LRP12: variants seen among roughly 807,000 people sequenced by gnomAD.
The protein encoded by LRP12 is LDL receptor related protein 12.
In LRP12, 14 loss-of-function variants were observed where a neutral mutation model predicts 66.0. The observed-to-expected ratio is 0.21, with a 90% CI of 0.14 to 0.33. The LOEUF (loss-of-function observed/expected upper bound fraction) is 0.33, where lower values mean the gene tolerates loss of function less well. Among genes scored for constraint, LRP12 ranks in the 10% least tolerant of loss-of-function variants. The probability of loss-of-function intolerance (pLI) is 1.00; values close to 1 mark genes in which losing one functional copy is unlikely to be tolerated. For synonymous variants in LRP12, 357 were observed against 359.1 expected (o/e 0.99, Z 0.07); for missense variants, 889 against 1,053.4 (o/e 0.84, Z 2.16).
chr8:104,560,564 C>G (rs1198263544), intron 1 of LRP12, among the ~76,000 whole-genome samples: 1 of 152,116 alleles, frequency 6.6e-6, no homozygotes, highest in Non-Finnish European at 1.5e-5. Flanking sequence ...ATCAAAGAAT[C>G]TTGAGATCAA....
chr8:104,532,872 C>T (rs150378356), intron 1 of LRP12, among the ~76,000 whole-genome samples: 1 of 152,072 alleles, frequency 6.6e-6, no homozygotes, highest in Admixed American at 6.6e-5. Context: ...GTTCCTGATA[C>T]AGAGGAGGCG....
rs35657080 is a variant in LRP12 at position 104,491,096 on chromosome 8, C to T, written c.2157G>A (p.Val719=). 2.1e-3 allele frequency: 3,430 copies of T among 1,614,082 alleles called. 49 individuals are homozygous for T. In the African/African-American group the frequency reaches 0.041, roughly 19 times the overall value. ...RDVTSVEPPS[V]SPARHQLTSA... is the part of the protein sequence containing the mutation. ...TTGTAAGCTGGTGACGTGCTGGACT[C>T]ACACTTGGGGGTTCCACACTTGTCA... The change falls in exon 7 of 7, where the codon GTG becomes GTA. Residue 719 remains valine, a synonymous_variant. Coordinates refer to ENST00000276654, the MANE Select transcript of LRP12 (RefSeq NM_013437.5).
At chr8:104,559,033 A>T (rs879212070) in intron 1 of LRP12, among the ~76,000 whole-genome samples, 1 of 152,166 alleles carries the variant, frequency 6.6e-6, no homozygotes, top group Admixed American at 6.5e-5. Context: ...TACAAGCACT[A>T]TGGAAAACTG....
intron 1 of LRP12, among the ~76,000 whole-genome samples, chr8:104,577,606 T>C (rs1303070054): frequency 1.3e-5 from 2 of 151,968 alleles, no homozygotes; most frequent in Admixed American, 1.3e-4. Flanking sequence ...GTCAGGAGAT[T>C]GAGACCATCC....
At chr8:104,567,827 T>C (rs565825582) in intron 1 of LRP12, among the ~76,000 whole-genome samples, 3 of 152,332 alleles carry the variant, frequency 2.0e-5, no homozygotes, top group African/African-American at 4.8e-5. Flanking sequence ...AGGATTAAGA[T>C]TGGTAAGACA....
chr8:104,548,536 CTA>C lies in LRP12; in HGVS notation c.80-16575_80-16574del, dbSNP rs535946462. ...TATATTTTGTATCTAATATATAATTCTATGTTATATTTTGTATATGATATAGA... is the reference window on the plus strand; with the variant it reads ...TATATTTTGTATCTAATATATAATTCTGTTATATTTTGTATATGATATAGA... On this transcript the variant is annotated intron_variant, in intron 1 of 6. Coordinates refer to ENST00000276654, the MANE Select transcript of LRP12 (RefSeq NM_013437.5). Among the ~76,000 whole-genome samples, 718 of 113,220 alleles carry C rather than the reference CTA, an allele frequency of 6.3e-3. 21 individuals are homozygous for C. Among genetic ancestry groups the C allele is most frequent in the South Asian group, 0.014 (56 of 3,864 alleles). 74.3% of individuals were successfully genotyped at this position (113,220 alleles called of 152,430 possible).
intron 6 of LRP12, among the ~76,000 whole-genome samples, chr8:104,493,183 T>G (rs1810664966): frequency 6.6e-6 from 1 of 152,242 alleles, no homozygotes; most frequent in Non-Finnish European, 1.5e-5. Context: ...AGGAATAATT[T>G]CATATACTTC....
At chr8:104,545,885 C>T (rs148708897) in intron 1 of LRP12, among the ~76,000 whole-genome samples, 98 of 152,178 alleles carry the variant, frequency 6.4e-4, no homozygotes, top group African/African-American at 2.3e-3. Flanking sequence ...AGTTTTATAG[C>T]TTATTACTAA....
intron 1 of LRP12, among the ~76,000 whole-genome samples, chr8:104,556,216 C>G (rs181676516): frequency 6.6e-6 from 1 of 152,082 alleles, no homozygotes; most frequent in East Asian, 1.9e-4. Flanking sequence ...TGAAAGAACA[C>G]AAATAGACAA....
chr8:104,588,207 C>T (rs1022681242), intron 1 of LRP12, among the ~76,000 whole-genome samples: 8 of 152,178 alleles, frequency 5.3e-5, no homozygotes, highest in Non-Finnish European at 1.2e-4. Context: ...GGGCTGGAAA[C>T]TATTTTCTGG....
In LRP12 at chr8:104,573,673, T is replaced by C. The variant is rs1812117231; in HGVS notation, c.79+15146A>G. On this transcript the variant is annotated intron_variant, in intron 1 of 6. Coordinates refer to ENST00000276654, the MANE Select transcript of LRP12 (RefSeq NM_013437.5). ...ATAAACAATCACTTACTTCTCTTTT[T>C]CTAATCTTAAAAGGCAAAATAATAA... is the stretch of plus-strand genomic sequence containing the variant. 2.6e-5 allele frequency among the ~76,000 whole-genome samples: 4 copies of C among 151,578 alleles called. No homozygotes were observed. The South Asian group carries it at 8.4e-4, about 32-fold the overall frequency.
intron 2 of LRP12, among the ~76,000 whole-genome samples, chr8:104,512,934 CAAA>C (rs1811018981): frequency 6.6e-6 from 1 of 152,050 alleles, no homozygotes. Flanking sequence ...TCTTCCTAAT[CAAA>C]AACAAAACCA....
At chr8:104,537,177 T>C (rs974649077) in intron 1 of LRP12, among the ~76,000 whole-genome samples, 10 of 151,920 alleles carry the variant, frequency 6.6e-5, no homozygotes, top group African/African-American at 2.2e-4. Context: ...GCCTGGAGAC[T>C]TCCTGGACTC....
intron 2 of LRP12, among the ~76,000 whole-genome samples, chr8:104,516,085 T>C (rs558701627): frequency 3.8e-4 from 58 of 152,254 alleles, no homozygotes; most frequent in African/African-American, 1.4e-3. Context: ...AAACATCATC[T>C]AATTTACGTT....
At chr8:104,540,738 T>TTTG (rs558926861) in intron 1 of LRP12, among the ~76,000 whole-genome samples, 157 of 152,234 alleles carry the variant, frequency 1.0e-3, no homozygotes, top group African/African-American at 3.5e-3. Flanking sequence ...ACCCCATTCT[T>TTTG]TTGTTGTTGT....
chr8:104,497,899 T>C lies in LRP12; in HGVS notation c.653A>G (p.Asn218Ser). The C allele has an allele frequency of 3.1e-6, 5 of 1,614,178 alleles. No individual in the cohort carries two copies. Among genetic ancestry groups the C allele is most frequent in the Non-Finnish European group, 4.2e-6 (5 of 1,180,030 alleles). Residue 218 changes from asparagine (N) to serine (S), a missense_variant, in exon 5 of 7, where the codon AAC becomes AGC. Physicochemically the swap from Asn to Ser is conservative, Grantham distance 46. Coordinates refer to ENST00000276654, the MANE Select transcript of LRP12 (RefSeq NM_013437.5). The surrounding 1 kb of genome is among the most constrained non-coding windows in gnomAD (Gnocchi z 4.3). ...TAAAFQPCAYNQFQCLSRFTK... is the reference protein window; with the variant it reads ...TAAAFQPCAYSQFQCLSRFTK... ...AAAACGGGATAAACACTGGAACTGG[T>C]TGTAAGCACAGGGTTGAAAAGCAGC...
At chr8:104,576,595 G>T (rs1291832901) in intron 1 of LRP12, among the ~76,000 whole-genome samples, 3 of 152,068 alleles carry the variant, frequency 2.0e-5, no homozygotes, top group African/African-American at 7.3e-5. Context: ...GCTGTGCAAG[G>T]GCTCCTGAAT....
At chr8:104,560,160 G>A (rs1363795978) in intron 1 of LRP12, among the ~76,000 whole-genome samples, 2 of 151,994 alleles carry the variant, frequency 1.3e-5, no homozygotes, top group African/African-American at 2.4e-5. Context: ...CAGAACAAAC[G>A]TATCCTTTAA....
chr8:104,507,786 G>C (rs1810930964), intron 3 of LRP12: 1 of 152,136 alleles, frequency 6.6e-6, no homozygotes, highest in African/African-American at 2.4e-5. Context: ...TCCAGAAGAG[G>C]TAATGTAGGG....
Sources: allele counts gnomAD v4.1 joint callset (sites outside exome capture counted in the v4.1 genomes callset), GRCh38; gene constraint gnomAD v4.1.1; non-coding constraint Gnocchi (gnomAD v3.1); transcripts MANE v1.5; gene names NCBI Gene and HGNC (gene_info 2026-07-23, HGNC 2026-07-21).